INTS15: variants seen among roughly 807,000 people sequenced by gnomAD.
INTS15 encodes uncharacterized protein C7orf26.
chr7:6,603,681 A>G, the INTS15 span, among the ~76,000 whole-genome samples: 8 of 151,946 alleles, frequency 5.3e-5, no homozygotes, highest in South Asian at 6.2e-4. Context: ...TCTACTAAAA[A>G]TACAAAAGTT....
the INTS15 span, chr7:6,602,307 TA>T: frequency 1.7e-6 from 1 of 577,960 alleles, no homozygotes; most frequent in African/African-American, 1.9e-5. Context: ...AAGTAGAAAG[TA>T]AACCTGAAAA....
the INTS15 span, among the ~76,000 whole-genome samples, chr7:6,593,178 C>T: frequency 4.6e-5 from 7 of 152,242 alleles, no homozygotes; most frequent in South Asian, 4.1e-4. Flanking sequence ...TTCGGCTTTG[C>T]GGGTCCTGTA....
At chr7:6,598,095 G>C in the INTS15 span, among the ~76,000 whole-genome samples, 2 of 152,148 alleles carry the variant, frequency 1.3e-5, no homozygotes, top group Non-Finnish European at 2.9e-5. Flanking sequence ...CGTCAGCTCA[G>C]ATCTGAGGGG....
At chr7:6,593,052 T>C in the INTS15 span, among the ~76,000 whole-genome samples, 1 of 152,208 alleles carries the variant, frequency 6.6e-6, no homozygotes. Context: ...CCTGGGATCC[T>C]GTAGGGTACA....
chr7:6,603,849 A>G, the INTS15 span, among the ~76,000 whole-genome samples: 12 of 152,088 alleles, frequency 7.9e-5, no homozygotes, highest in African/African-American at 2.7e-4. Flanking sequence ...CAAAAAAAAA[A>G]ATTGGCCAAA....
chr7:6,604,040 C>G, the INTS15 span, among the ~76,000 whole-genome samples: 1 of 152,092 alleles, frequency 6.6e-6, no homozygotes, highest in African/African-American at 2.4e-5. Context: ...TGCACTTAAA[C>G]TAGTACTTGG....
the INTS15 span, chr7:6,600,131 C>T: frequency 1.2e-6 from 2 of 1,614,082 alleles, no homozygotes; most frequent in African/African-American, 1.3e-5. Context: ...CCTCAGCGTC[C>T]TGCAAGTGCT....
chr7:6,598,468 C>CAA, the INTS15 span, among the ~76,000 whole-genome samples: 560 of 120,944 alleles, frequency 4.6e-3, 5 homozygotes, highest in East Asian at 0.029. Context: ...GACTCCATCT[C>CAA]AAAAAAAAAA....
chr7:6,592,508 C>T, the INTS15 span, among the ~76,000 whole-genome samples: 6 of 145,890 alleles, frequency 4.1e-5, no homozygotes, highest in African/African-American at 7.6e-5. Context: ...CGGAGGTTGC[C>T]GTGAGCCGAG....
At chr7:6,607,254 C>G in the INTS15 span, among the ~76,000 whole-genome samples, 2 of 152,134 alleles carry the variant, frequency 1.3e-5, no homozygotes, top group South Asian at 2.1e-4. The surrounding 1 kb of genome is among the most constrained non-coding windows in gnomAD (Gnocchi z 6.0). Context: ...CCAGGAAGTG[C>G]GGGCCGTGGT....
At chr7:6,590,240 C>T in the INTS15 span, 6 of 1,436,994 alleles carry the variant, frequency 4.2e-6, no homozygotes, top group Non-Finnish European at 5.5e-6. Context: ...GGGCCCCGGG[C>T]GGAAGTGAGA....
the INTS15 span, among the ~76,000 whole-genome samples, chr7:6,599,217 C>T: frequency 1.3e-5 from 2 of 152,160 alleles, no homozygotes; most frequent in African/African-American, 2.4e-5. Context: ...AGACCTGTGC[C>T]GGGCTCATAG....
the INTS15 span, among the ~76,000 whole-genome samples, chr7:6,606,116 G>A: frequency 1.6e-4 from 25 of 152,302 alleles, no homozygotes; most frequent in East Asian, 4.2e-3. Context: ...TCACATGACC[G>A]AAATTTGGCC....
the INTS15 span, chr7:6,607,692 C>T: frequency 6.5e-7 from 1 of 1,527,416 alleles, no homozygotes; most frequent in South Asian, 1.2e-5. This position sits in a 1 kb window ranked among gnomAD's most constrained non-coding sequence, Gnocchi z 6.0. Flanking sequence ...ACGTGGAGGC[C>T]ACCTGTGTGG....
At chr7:6,603,998 TAAAA>T in the INTS15 span, among the ~76,000 whole-genome samples, 2,512 of 147,002 alleles carry the variant, frequency 0.017, 60 homozygotes, top group African/African-American at 0.059. Context: ...CCCTGTCTCT[TAAAA>T]AAAAAAAGAA....
the INTS15 span, chr7:6,608,251 A>G: frequency 1.3e-6 from 2 of 1,504,446 alleles, no homozygotes; most frequent in Non-Finnish European, 1.8e-6. Context: ...AACCTCGGGG[A>G]AGGGGTCGGG....
the INTS15 span, chr7:6,608,058 A>G: frequency 6.3e-7 from 1 of 1,598,506 alleles, no homozygotes; most frequent in Non-Finnish European, 8.5e-7. Flanking sequence ...CCGCTGGGCT[A>G]CGGGGCTGTC....
chr7:6,595,705 A>G, the INTS15 span, among the ~76,000 whole-genome samples: 15 of 152,168 alleles, frequency 9.9e-5, no homozygotes, highest in African/African-American at 3.6e-4. Flanking sequence ...TGGATATAGA[A>G]TCTTGCTCTG....
At chr7:6,600,148 G>A in the INTS15 span, 550 of 1,614,190 alleles carry the variant, frequency 3.4e-4, no homozygotes, top group Admixed American at 5.8e-4. Flanking sequence ...TGCTCATGAC[G>A]CTGCAGCTGC....
Sources: gnomAD v4.1 joint callset for allele counts (sites outside exome capture counted in the v4.1 genomes callset) on GRCh38, gnomAD v4.1.1 for gene constraint, Gnocchi (gnomAD v3.1) non-coding constraint, MANE v1.5 for transcripts, NCBI Gene and HGNC (gene_info 2026-07-23, HGNC 2026-07-21) for gene names.